Variants in SNX8 observed in about 807,000 individuals in gnomAD.
SNX8 encodes sorting nexin-8.
A neutral mutation model predicts 51.6 loss-of-function variants in SNX8; 25 were observed. The ratio of observed to expected loss-of-function variants is 0.48; its 90% CI spans 0.35 to 0.68. The LOEUF (loss-of-function observed/expected upper bound fraction) is 0.68. Among genes scored for constraint, SNX8 ranks in the 30% least tolerant of loss-of-function variants. The probability of loss-of-function intolerance (pLI) is 0.00; values close to 1 mark genes in which losing one functional copy is unlikely to be tolerated. For synonymous variants in SNX8, 324 were observed against 277.0 expected (o/e 1.17, Z -1.68); for missense variants, 695 against 624.0 (o/e 1.11, Z -1.21).
In SNX8 at chr7:2,278,829, G is replaced by A. The variant is rs199813518; in HGVS notation, c.95-524C>T. On this transcript the variant is annotated intron_variant, in intron 1 of 10. Coordinates refer to ENST00000222990, the MANE Select transcript of SNX8 (RefSeq NM_013321.4). ...GGAGTCGACGCCGGACTCACACTAC[G>A]GAGTCGACGCCGGACTCACTCACAC... Among the ~76,000 whole-genome samples, 195 of 30,014 alleles carry A rather than the reference G, an allele frequency of 6.5e-3. 14 individuals are homozygous for A. Among genetic ancestry groups the A allele is most frequent in the Non-Finnish European group, 1.0e-2 (146 of 14,668 alleles). The allele number at this position is 30,014 out of a possible 152,430, so 19.7% of individuals were successfully genotyped here. A position where few individuals can be genotyped will look rare whatever the true frequency, so the allele number is the denominator to read the frequency against.
chr7:2,309,589 G>A (rs770932356), intron 1 of SNX8, among the ~76,000 whole-genome samples: 1 of 152,114 alleles, frequency 6.6e-6, no homozygotes, highest in Non-Finnish European at 1.5e-5. Flanking sequence ...AAATTAGCCA[G>A]GTGTGGTGAC....
upstream of SNX8, among the ~76,000 whole-genome samples, chr7:2,318,349 G>C (rs1029897754): frequency 6.6e-6 from 1 of 150,988 alleles, no homozygotes; most frequent in East Asian, 2.0e-4. Flanking sequence ...TCAGGAGTTC[G>C]AGACCAGCCT....
intron 1 of SNX8, among the ~76,000 whole-genome samples, chr7:2,308,925 G>A (rs1324895335): frequency 6.6e-6 from 1 of 151,800 alleles, no homozygotes; most frequent in African/African-American, 2.4e-5. Context: ...GAGTAGCTGG[G>A]ATTACAGGCA....
intron 5 of SNX8, among the ~76,000 whole-genome samples, chr7:2,264,914 A>C (rs762111184): frequency 6.6e-6 from 1 of 152,258 alleles, no homozygotes. Flanking sequence ...ATGCACCTGT[A>C]ATCCCAGCTA....
At chr7:2,351,698 G>A (rs1049905060) in intron 1 of SNX8, among the ~76,000 whole-genome samples, 1 of 151,676 alleles carries the variant, frequency 6.6e-6, no homozygotes, top group Admixed American at 6.6e-5. Flanking sequence ...GGGTGTGGTG[G>A]CAGGCGCCTG....
At chr7:2,287,704 T>A (rs1252171567) in intron 1 of SNX8, among the ~76,000 whole-genome samples, 1 of 151,758 alleles carries the variant, frequency 6.6e-6, no homozygotes, top group African/African-American at 2.4e-5. Flanking sequence ...TGAGCTGAGA[T>A]CGCACCACAC....
intron 1 of SNX8, among the ~76,000 whole-genome samples, chr7:2,303,223 G>A (rs1446602095): frequency 1.4e-5 from 2 of 148,018 alleles, no homozygotes; most frequent in Non-Finnish European, 3.0e-5. Context: ...GCCCCGTCCA[G>A]GAGGGAGGTC....
At chr7:2,309,454 G>A (rs540156995) in intron 1 of SNX8, among the ~76,000 whole-genome samples, 530 of 151,936 alleles carry the variant, frequency 3.5e-3, no homozygotes, top group Non-Finnish European at 6.5e-3. Context: ...AGAACCAGCC[G>A]GGCGCGGTGG....
At chr7:2,273,916 A>C (rs1482052498) in intron 3 of SNX8, among the ~76,000 whole-genome samples, 1 of 152,032 alleles carries the variant, frequency 6.6e-6, no homozygotes, top group Admixed American at 6.5e-5. Flanking sequence ...AAAAAAAAAA[A>C]AACACCATAA....
intron 5 of SNX8, among the ~76,000 whole-genome samples, chr7:2,265,304 C>T (rs533888073): frequency 6.6e-6 from 1 of 152,364 alleles, no homozygotes; most frequent in East Asian, 1.9e-4. Context: ...CACACCACTG[C>T]ACCCCAGCCT....
intron 1 of SNX8, among the ~76,000 whole-genome samples, chr7:2,282,985 G>A (rs1365053021): frequency 4.0e-5 from 6 of 151,892 alleles, no homozygotes; most frequent in Non-Finnish European, 5.9e-5. Context: ...GCCGGGCGTG[G>A]TGGCGGAAGC....
chr7:2,346,086 C>T (rs1483280746), intron 1 of SNX8, among the ~76,000 whole-genome samples: 3 of 152,074 alleles, frequency 2.0e-5, no homozygotes, highest in South Asian at 4.1e-4. Flanking sequence ...GGATTACAGG[C>T]GTGAGCCACC....
At chr7:2,324,193 A>G (rs1239774931) in intron 1 of SNX8, among the ~76,000 whole-genome samples, 3 of 151,804 alleles carry the variant, frequency 2.0e-5, no homozygotes, top group African/African-American at 7.3e-5. Context: ...GTCTGTAATC[A>G]TAGCACTTTG....
At chr7:2,353,223 T>C (rs1779199330) in intron 1 of SNX8, among the ~76,000 whole-genome samples, 1 of 152,016 alleles carries the variant, frequency 6.6e-6, no homozygotes, top group Admixed American at 6.6e-5. Flanking sequence ...CTAAATTGCA[T>C]ATTAAAATGG....
intron 1 of SNX8, among the ~76,000 whole-genome samples, chr7:2,333,016 C>A (rs563462019): frequency 6.6e-6 from 1 of 152,112 alleles, no homozygotes; most frequent in East Asian, 1.9e-4. Flanking sequence ...CACCTATAGT[C>A]CCAACACTTT....
At chr7:2,332,755 GA>G (rs1778759451) in intron 1 of SNX8, among the ~76,000 whole-genome samples, 1 of 149,552 alleles carries the variant, frequency 6.7e-6, no homozygotes, top group Non-Finnish European at 1.5e-5. Context: ...AGGAAGGAAG[GA>G]AGGAAGGAAG....
chr7:2,311,830 G>T (rs3996368), intron 1 of SNX8, among the ~76,000 whole-genome samples: 2 of 151,774 alleles, frequency 1.3e-5, no homozygotes, highest in East Asian at 1.9e-4. Context: ...CCAGCTACTC[G>T]GGAGGCTGAG....
chr7:2,290,636 G>A (rs1051327635), intron 1 of SNX8, among the ~76,000 whole-genome samples: 2 of 152,216 alleles, frequency 1.3e-5, no homozygotes, highest in East Asian at 3.8e-4. Flanking sequence ...TTGGGGCCAG[G>A]AGGGTGGCCG....
intron 1 of SNX8, among the ~76,000 whole-genome samples, chr7:2,289,352 G>A (rs909469510): frequency 1.3e-5 from 2 of 152,198 alleles, no homozygotes; most frequent in African/African-American, 4.8e-5. Flanking sequence ...TGGATCACGG[G>A]ATCTGCATAT....
Sources: gnomAD v4.1 joint callset for allele counts (sites outside exome capture counted in the v4.1 genomes callset) on GRCh38, gnomAD v4.1.1 for gene constraint, MANE v1.5 for transcripts, NCBI Gene and HGNC (gene_info 2026-07-23, HGNC 2026-07-21) for gene names.